MSRA: variants seen among roughly 807,000 people sequenced by gnomAD.
The protein encoded by MSRA is mitochondrial peptide methionine sulfoxide reductase.
MSRA carries 54 observed loss-of-function variants against 31.3 expected under a neutral mutation model. The ratio of observed to expected loss-of-function variants is 1.73; its 90% CI spans 1.39 to 2.17. The LOEUF (loss-of-function observed/expected upper bound fraction) is 2.17. Ranked by LOEUF, MSRA falls within the 30% of genes most tolerant of loss-of-function variation. MSRA has a pLI of 0.00. For synonymous variants in MSRA, 169 were observed against 116.5 expected, an observed-to-expected ratio of 1.45 and a Z score of -2.90; for missense variants, 507 against 300.9, an observed-to-expected ratio of 1.69 and a Z score of -5.07.
intron 2 of MSRA, among the ~76,000 whole-genome samples, chr8:10,240,801 C>G (rs1040738010): frequency 1.3e-5 from 2 of 152,110 alleles, no homozygotes; most frequent in African/African-American, 4.8e-5. Context: ...AGCCTGCACC[C>G]ATATAACAAA....
intron 1 of MSRA, among the ~76,000 whole-genome samples, chr8:10,088,609 G>A (rs1585120963): frequency 6.6e-6 from 1 of 152,232 alleles, no homozygotes; most frequent in African/African-American, 2.4e-5. Context: ...GTGGCTGCAT[G>A]CTTGCAGTCC....
At chr8:10,394,295 A>T (rs1291954402) in intron 5 of MSRA, among the ~76,000 whole-genome samples, 1 of 152,102 alleles carries the variant, frequency 6.6e-6, no homozygotes, top group Non-Finnish European at 1.5e-5. Flanking sequence ...GATAGTTTGT[A>T]TTTTCAAATA....
chr8:10,158,086 T>TA (rs1804313583), intron 1 of MSRA, among the ~76,000 whole-genome samples: 1 of 152,232 alleles, frequency 6.6e-6, no homozygotes, highest in Non-Finnish European at 1.5e-5. Context: ...GGCACCTTCT[T>TA]ACGGTGTCCT....
chr8:10,146,026 A>G (rs1457676468), intron 1 of MSRA, among the ~76,000 whole-genome samples: 1 of 152,208 alleles, frequency 6.6e-6, no homozygotes, highest in African/African-American at 2.4e-5. Flanking sequence ...TTTGGAGTAT[A>G]TACTTTCAGT....
At chr8:10,137,870 A>G (rs1802403159) in intron 1 of MSRA, among the ~76,000 whole-genome samples, 1 of 152,174 alleles carries the variant, frequency 6.6e-6, no homozygotes, top group Non-Finnish European at 1.5e-5. Flanking sequence ...CTGTAGAGGC[A>G]TGTTTTTATA....
At chr8:10,227,500 C>G (rs990815086) in intron 2 of MSRA, among the ~76,000 whole-genome samples, 2 of 152,106 alleles carry the variant, frequency 1.3e-5, no homozygotes, top group Non-Finnish European at 2.9e-5. Flanking sequence ...GAAGGAAGGT[C>G]CCTTCCAACC....
chr8:10,358,104 T>C (rs1469522576), intron 5 of MSRA, among the ~76,000 whole-genome samples: 1 of 152,096 alleles, frequency 6.6e-6, no homozygotes, highest in Non-Finnish European at 1.5e-5. Flanking sequence ...TGTATTATTA[T>C]CATTAGTGGA....
At chr8:10,220,797 G>T (rs1405948064) in intron 2 of MSRA, among the ~76,000 whole-genome samples, 1 of 152,158 alleles carries the variant, frequency 6.6e-6, no homozygotes, top group South Asian at 2.1e-4. Context: ...ACCTTTGTCA[G>T]GGTGGCAGTG....
intron 1 of MSRA, among the ~76,000 whole-genome samples, chr8:10,166,596 A>G (rs1335097657): frequency 6.6e-6 from 1 of 152,136 alleles, no homozygotes; most frequent in Admixed American, 6.5e-5. Context: ...TTGGAGAATT[A>G]TATAACAAGC....
At chr8:10,176,642 A>C (rs1378405601) in intron 1 of MSRA, among the ~76,000 whole-genome samples, 1 of 152,244 alleles carries the variant, frequency 6.6e-6, no homozygotes, top group Admixed American at 6.5e-5. Flanking sequence ...CGTGTGAAGA[A>C]TAAAGGTACA....
chr8:10,360,782 G>A (rs1213401101), intron 5 of MSRA, among the ~76,000 whole-genome samples: 3 of 152,180 alleles, frequency 2.0e-5, no homozygotes, highest in African/African-American at 7.2e-5. Context: ...GATCTGGGAG[G>A]AGTCCACCCT....
At chr8:10,196,611 G>A (rs1278919250) in intron 1 of MSRA, among the ~76,000 whole-genome samples, 1 of 152,096 alleles carries the variant, frequency 6.6e-6, no homozygotes, top group African/African-American at 2.4e-5. Context: ...GTGCAGTGGT[G>A]CAATCTCGAC....
At chr8:10,136,527 G>T (rs551355569) in intron 1 of MSRA, among the ~76,000 whole-genome samples, 1 of 152,322 alleles carries the variant, frequency 6.6e-6, no homozygotes, top group East Asian at 1.9e-4. Context: ...TGTCTTGACA[G>T]GAGCTATGGA....
In MSRA at chr8:10,186,454, A is replaced by T. The variant is rs189126835; in HGVS notation, c.143-21379A>T. Among the ~76,000 whole-genome samples the T allele has an allele frequency of 2.0e-5, 3 of 152,350 alleles. No homozygotes were observed. The East Asian group carries it at 5.8e-4, about 29-fold the overall frequency. On this transcript the variant is annotated intron_variant, in intron 1 of 5. Transcript: ENST00000317173. ...GAATCTCTTAGAATTTGCATGTGTC[A>T]TGAAGTACTTCTAATGGTTGTTCAG...
At position 10,148,687 on chromosome 8, in the gene MSRA, A is replaced by C; in HGVS notation, c.143-59146A>C. ...GGAATTTAGTTATATTTAACAAGTA[A>C]TCATTTTGGGAGGCCGAGGCAGGAG... On this transcript the variant is annotated intron_variant, in intron 1 of 5. Transcript: ENST00000317173. Among the ~76,000 whole-genome samples, 2 of 150,958 alleles carry C rather than the reference A, an allele frequency of 1.3e-5. 1 individual carries two copies. The highest frequency in any genetic ancestry group is 2.9e-5 in the Non-Finnish European group (2 of 67,804).
At chr8:10,348,039 A>G (rs1452481324) in intron 5 of MSRA, among the ~76,000 whole-genome samples, 2 of 152,234 alleles carry the variant, frequency 1.3e-5, no homozygotes, top group African/African-American at 4.8e-5. Flanking sequence ...GAGTAAATGA[A>G]TGATGCAGCT....
chr8:10,239,495 A>G (rs1278339491), intron 2 of MSRA, among the ~76,000 whole-genome samples: 1 of 152,216 alleles, frequency 6.6e-6, no homozygotes. Context: ...ATTGGCAAAT[A>G]TTTATATACT....
intron 5 of MSRA, among the ~76,000 whole-genome samples, chr8:10,327,962 C>T (rs1282898330): frequency 6.6e-6 from 1 of 151,200 alleles, no homozygotes; most frequent in Non-Finnish European, 1.5e-5. Context: ...AACCTACTCA[C>T]CTGCGCTACC....
chr8:10,074,936 G>T (rs814408), intron 1 of MSRA, among the ~76,000 whole-genome samples: 32,946 of 152,132 alleles, frequency 0.22, 3,712 homozygotes, highest in Admixed American at 0.27. Context: ...TGGGATTACA[G>T]GTGTGAGCCA....
Sources: allele counts gnomAD v4.1 joint callset (sites outside exome capture counted in the v4.1 genomes callset), GRCh38; gene constraint gnomAD v4.1.1; transcripts MANE v1.5; gene names NCBI Gene and HGNC (gene_info 2026-07-23, HGNC 2026-07-21).